MDGA2: variants seen among roughly 807,000 people sequenced by gnomAD.
The protein encoded by MDGA2 is MAM domain-containing glycosylphosphatidylinositol anchor protein 2.
A neutral mutation model predicts 117.8 loss-of-function variants in MDGA2; 40 were observed. The ratio of observed to expected loss-of-function variants is 0.34; its 90% CI spans 0.26 to 0.44. The LOEUF (loss-of-function observed/expected upper bound fraction) is 0.44, where lower values mean the gene tolerates loss of function less well. MDGA2 is among the 20% of genes least tolerant of loss of function. The pLI is 1.00. For missense variants in MDGA2, 1,123 were observed against 1,250.6 expected (o/e 0.90, Z 1.54); for synonymous variants, 452 against 439.0 (o/e 1.03, Z -0.37).
At chr14:47,535,015 A>G (rs1179975600) in intron 1 of MDGA2, among the ~76,000 whole-genome samples, 1 of 152,170 alleles carries the variant, frequency 6.6e-6, no homozygotes, top group Non-Finnish European at 1.5e-5. Context: ...TCAAAATTAG[A>G]AACTGAATTG....
Position 47,262,601 on chromosome 14 carries a change from T to C in MDGA2, c.420+38810A>G, listed in dbSNP as rs77105812. On this transcript the variant is annotated intron_variant, in intron 2 of 16. Transcript: ENST00000399232. The stretch of plus-strand genomic sequence containing the variant: ...CCATGAATTTGCTTGGGCAACACCA[T>C]CTAGGCCATCAATCTGAAGAATAGA... 4.0e-3 allele frequency among the ~76,000 whole-genome samples: 615 copies of C among 152,262 alleles called. 3 individuals are homozygous for C. The highest frequency in any genetic ancestry group is 0.014 in the African/African-American group (562 of 41,548).
intron 9 of MDGA2, among the ~76,000 whole-genome samples, chr14:46,938,392 A>G (rs944270033): frequency 6.6e-6 from 1 of 151,660 alleles, no homozygotes; most frequent in Non-Finnish European, 1.5e-5. Context: ...TAAAAAAATT[A>G]GCTGGGTGTA....
intron 1 of MDGA2, chr14:47,444,470 C>A: frequency 5.1e-6 from 1 of 197,474 alleles, no homozygotes; most frequent in Non-Finnish European, 1.1e-5. Context: ...TTGAGAGCAT[C>A]AGCCAGGACA....
chr14:47,475,440 C>A (rs1893816563), intron 1 of MDGA2, among the ~76,000 whole-genome samples: 1 of 151,978 alleles, frequency 6.6e-6, no homozygotes, highest in Non-Finnish European at 1.5e-5. Flanking sequence ...ATGCAGACAG[C>A]AGAAATATCA....
At chr14:47,337,498 G>C (rs868452548) in intron 1 of MDGA2, among the ~76,000 whole-genome samples, 2 of 151,956 alleles carry the variant, frequency 1.3e-5, no homozygotes, top group Non-Finnish European at 2.9e-5. Context: ...TGAATTAAAA[G>C]AGAAAAAGAT....
intron 3 of MDGA2, among the ~76,000 whole-genome samples, chr14:47,161,599 A>G (rs1049915629): frequency 2.6e-5 from 4 of 151,800 alleles, no homozygotes; most frequent in African/African-American, 9.7e-5. Context: ...ATACCCAAGA[A>G]GAGGTAATTT....
At chr14:47,645,097 G>A (rs1897500753) in intron 1 of MDGA2, among the ~76,000 whole-genome samples, 1 of 152,106 alleles carries the variant, frequency 6.6e-6, no homozygotes, top group African/African-American at 2.4e-5. Flanking sequence ...ACTCATTTCA[G>A]ATTTCTGACT....
intron 1 of MDGA2, among the ~76,000 whole-genome samples, chr14:47,499,983 A>G (rs928201776): frequency 5.3e-5 from 8 of 152,132 alleles, no homozygotes; most frequent in Non-Finnish European, 1.2e-4. Flanking sequence ...TTGTTGGAAA[A>G]TACACCAATA....
At chr14:46,845,646 A>G in intron 16 of MDGA2, 120 bp downstream of exon 16, 1 of 605,868 alleles carries the variant, frequency 1.7e-6, no homozygotes, top group Non-Finnish European at 2.8e-6. Context: ...ACATATAAGA[A>G]ATTTCTAAAT....
rs533014541 is a variant in MDGA2, at chr14:47,052,154, T to G, written c.1525+9095A>C. ...GCTAAAAATTATTTTCAGCCCTCATTGGATTGGAGAATTTTATATCCAGTC... is the reference window on the plus strand; with the variant it reads ...GCTAAAAATTATTTTCAGCCCTCATGGGATTGGAGAATTTTATATCCAGTC... On this transcript the variant is annotated intron_variant, in intron 7 of 16. Coordinates refer to ENST00000399232, the MANE Select transcript of MDGA2 (RefSeq NM_001113498.3). Among the ~76,000 whole-genome samples, 22 of 151,994 alleles carry G rather than the reference T, an allele frequency of 1.4e-4. No homozygotes were observed. The South Asian group carries it at 3.7e-3, about 26-fold the overall frequency.
At chr14:47,175,418 G>A (rs1009978083) in intron 3 of MDGA2, among the ~76,000 whole-genome samples, 11 of 149,954 alleles carry the variant, frequency 7.3e-5, no homozygotes, top group Middle Eastern at 3.4e-3. Context: ...CTGGCAAACC[G>A]AATCCAGCAG....
At chr14:47,537,724 A>G (rs1190959752) in intron 1 of MDGA2, among the ~76,000 whole-genome samples, 2 of 152,088 alleles carry the variant, frequency 1.3e-5, no homozygotes, top group Non-Finnish European at 2.9e-5. Context: ...TTACACTGGA[A>G]CTGATCCATT....
At chr14:47,467,816 T>C (rs1893635679) in intron 1 of MDGA2, among the ~76,000 whole-genome samples, 1 of 152,178 alleles carries the variant, frequency 6.6e-6, no homozygotes, top group East Asian at 1.9e-4. Flanking sequence ...TATTATTTAA[T>C]ATTTTAACCT....
intron 2 of MDGA2, among the ~76,000 whole-genome samples, chr14:47,287,096 G>A (rs1888713063): frequency 6.6e-6 from 1 of 151,898 alleles, no homozygotes. Flanking sequence ...TAAAAGAGAG[G>A]TTAAATAAAT....
intron 1 of MDGA2, among the ~76,000 whole-genome samples, chr14:47,417,234 A>C (rs1162538917): frequency 1.3e-5 from 2 of 152,210 alleles, no homozygotes; most frequent in African/African-American, 4.8e-5. Context: ...ATTTTGCTAG[A>C]AGCATTCAAG....
intron 2 of MDGA2, among the ~76,000 whole-genome samples, chr14:47,223,097 A>G (rs1473273770): frequency 1.3e-5 from 2 of 152,204 alleles, no homozygotes; most frequent in African/African-American, 4.8e-5. Flanking sequence ...GAAACACCTG[A>G]TAAACCCGTC....
At chr14:47,241,479 TTG>T (rs1051990659) in intron 2 of MDGA2, among the ~76,000 whole-genome samples, 3 of 151,934 alleles carry the variant, frequency 2.0e-5, no homozygotes, top group Non-Finnish European at 4.4e-5. Context: ...TGTTTGTTTT[TTG>T]TGTGTGTTTC....
At chr14:47,563,082 T>C (rs982520996) in intron 1 of MDGA2, among the ~76,000 whole-genome samples, 5 of 152,134 alleles carry the variant, frequency 3.3e-5, no homozygotes, top group Non-Finnish European at 7.4e-5. Context: ...TTCCATTGCA[T>C]TGTGGTCTGA....
rs751005781 is a variant in MDGA2 at position 47,421,940 on chromosome 14, T to A, written c.281-120390A>T. Among the ~76,000 whole-genome samples the A allele has an allele frequency of 5.3e-5, 8 of 151,408 alleles. 1 individual carries two copies. Among genetic ancestry groups the A allele is most frequent in the Admixed American group, 1.3e-4 (2 of 15,100 alleles). ...TTTTTTTTCAAGTTAAAAAAAATCA[T>A]GTGCTTGACAATTTTGAACTTTTGG... On this transcript the variant is annotated intron_variant, in intron 1 of 16. Transcript: ENST00000399232.
Sources: allele counts gnomAD v4.1 joint callset (sites outside exome capture counted in the v4.1 genomes callset), GRCh38; gene constraint gnomAD v4.1.1; transcripts MANE v1.5; gene names NCBI Gene and HGNC (gene_info 2026-07-23, HGNC 2026-07-21).